The following SNRNP40 variants were observed in gnomAD, a reference collection of about 807,000 sequenced individuals.
SNRNP40 encodes small nuclear ribonucleoprotein U5 subunit 40.
In SNRNP40, 21 loss-of-function variants were observed where a neutral mutation model predicts 45.8. That is an observed-to-expected ratio of 0.46 (90% CI 0.32 to 0.66). SNRNP40 has a LOEUF of 0.66. SNRNP40 is among the 30% of genes least tolerant of loss of function. The pLI, the probability that SNRNP40 is intolerant of heterozygous loss-of-function variation, is 0.03. For missense variants in SNRNP40, 344 were observed against 439.1 expected (o/e 0.78, Z 1.94); for synonymous variants, 142 against 163.8 (o/e 0.87, Z 1.01).
chr1:31,289,149 G>T, intron 4 of SNRNP40, 105 bp downstream of exon 4: 1 of 1,015,452 alleles, frequency 9.8e-7, no homozygotes, highest in Middle Eastern at 2.1e-4. Flanking sequence ...GGAGATGACT[G>T]CTAAAATTAA....
intron 1 of SNRNP40, 30 bp from the exon 2 acceptor site, chr1:31,293,378 C>T (rs1365664817): frequency 1.3e-6 from 2 of 1,575,896 alleles, no homozygotes; most frequent in Non-Finnish European, 1.7e-6. Context: ...AAGGTAACTA[C>T]TGCATACAGA....
At chr1:31,267,487 C>G (rs1645906970) in intron 8 of SNRNP40, among the ~76,000 whole-genome samples, 1 of 152,162 alleles carries the variant, frequency 6.6e-6, no homozygotes, top group Non-Finnish European at 1.5e-5. Context: ...AGCTCCATAT[C>G]CACGCTTTAT....
chr1:31,284,510 C>T (rs970337729), intron 4 of SNRNP40, among the ~76,000 whole-genome samples: 1 of 152,162 alleles, frequency 6.6e-6, no homozygotes, highest in Non-Finnish European at 1.5e-5. Flanking sequence ...GCGTGGATAA[C>T]ACAGAGAGGG....
At chr1:31,281,705 C>G (rs2148387115) in intron 4 of SNRNP40, 1 of 390,992 alleles carries the variant, frequency 2.6e-6, no homozygotes, top group South Asian at 7.6e-5. Flanking sequence ...TGAAACAAAA[C>G]TTCGGTTATA....
intron 8 of SNRNP40, among the ~76,000 whole-genome samples, chr1:31,266,201 T>C (rs3766291): frequency 0.78 from 118,061 of 152,118 alleles, 46,187 homozygotes; most frequent in African/African-American, 0.81. Flanking sequence ...ATGGGACAGA[T>C]CACAGTGCAG....
At chr1:31,269,936 CTT>C (rs772764576) in intron 6 of SNRNP40, among the ~76,000 whole-genome samples, 1 of 152,246 alleles carries the variant, frequency 6.6e-6, no homozygotes, top group East Asian at 1.9e-4. Context: ...GAGTTTCGCT[CTT>C]GTTGCCTAGC....
At chr1:31,270,141 G>T (rs1013232434) in intron 6 of SNRNP40, among the ~76,000 whole-genome samples, 28 of 152,236 alleles carry the variant, frequency 1.8e-4, no homozygotes, top group African/African-American at 5.8e-4. Context: ...GACCTCAGGT[G>T]ATCTACCCTG....
chr1:31,277,575 A>G (rs1274536401), intron 5 of SNRNP40, among the ~76,000 whole-genome samples: 6 of 152,218 alleles, frequency 3.9e-5, no homozygotes, highest in African/African-American at 1.2e-4. Context: ...TACAATATAT[A>G]CAGTACACAA....
intron 4 of SNRNP40, among the ~76,000 whole-genome samples, chr1:31,285,410 T>C (rs1325564729): frequency 6.6e-6 from 1 of 152,132 alleles, no homozygotes; most frequent in Non-Finnish European, 1.5e-5. Flanking sequence ...CCGGCTTTTT[T>C]GTATTTTTAG....
chr1:31,264,100 C>T (rs987068139), intron 8 of SNRNP40, among the ~76,000 whole-genome samples: 3 of 152,074 alleles, frequency 2.0e-5, no homozygotes, highest in South Asian at 4.1e-4. Flanking sequence ...CAATCAACAA[C>T]TCACCAGTAC....
intron 5 of SNRNP40, among the ~76,000 whole-genome samples, chr1:31,277,819 T>C (rs1393963856): frequency 3.3e-5 from 5 of 152,300 alleles, no homozygotes; most frequent in African/African-American, 1.2e-4. Context: ...CTCAGCCTCT[T>C]GAGTAGCTGG....
At chr1:31,290,159 T>G (rs555512055) in intron 3 of SNRNP40, among the ~76,000 whole-genome samples, 4 of 152,260 alleles carry the variant, frequency 2.6e-5, no homozygotes, top group Admixed American at 2.6e-4. Flanking sequence ...ACGCCCAGCC[T>G]CTGAGGATGA....
intron 3 of SNRNP40, among the ~76,000 whole-genome samples, chr1:31,290,216 T>C (rs541408618): frequency 6.6e-6 from 1 of 151,974 alleles, no homozygotes; most frequent in Non-Finnish European, 1.5e-5. Flanking sequence ...TTTCATTTTT[T>C]TTGAGATGGA....
intron 5 of SNRNP40, among the ~76,000 whole-genome samples, chr1:31,275,121 G>A (rs1645966066): frequency 6.6e-6 from 1 of 152,178 alleles, no homozygotes; most frequent in Non-Finnish European, 1.5e-5. Context: ...TAGAGATAGA[G>A]CTCTGGTCCC....
intron 8 of SNRNP40, among the ~76,000 whole-genome samples, chr1:31,265,370 T>C (rs1645888766): frequency 6.6e-6 from 1 of 152,066 alleles, no homozygotes; most frequent in South Asian, 2.1e-4. Context: ...GTTCAAGCCA[T>C]CCTTCCACCT....
intron 4 of SNRNP40, among the ~76,000 whole-genome samples, chr1:31,287,819 G>C (rs1039702389): frequency 1.3e-5 from 2 of 152,156 alleles, no homozygotes; most frequent in Non-Finnish European, 2.9e-5. Context: ...CCAATATGAT[G>C]AACCCCTGCC....
At chr1:31,263,019 G>GT (rs917605957) in intron 8 of SNRNP40, among the ~76,000 whole-genome samples, 1 of 150,700 alleles carries the variant, frequency 6.6e-6, no homozygotes, top group African/African-American at 2.4e-5. Context: ...AAAAAATTAT[G>GT]TTTTTTTTCA....
At chr1:31,282,469 A>AGC (rs1646023329) in intron 4 of SNRNP40, 1 of 46,438 alleles carries the variant, frequency 2.2e-5, no homozygotes, top group Non-Finnish European at 4.2e-5. Flanking sequence ...ATTCCTGGCT[A>AGC]TCTATCTATC....
chr1:31,272,343 A>G (rs1339056151), intron 5 of SNRNP40, among the ~76,000 whole-genome samples: 1 of 152,232 alleles, frequency 6.6e-6, no homozygotes, highest in Non-Finnish European at 1.5e-5. Context: ...TTACAGGTTC[A>G]CTATTGCTTG....
Sources: allele counts gnomAD v4.1 joint callset (sites outside exome capture counted in the v4.1 genomes callset), GRCh38; gene constraint gnomAD v4.1.1; transcripts MANE v1.5; gene names NCBI Gene and HGNC (gene_info 2026-07-23, HGNC 2026-07-21).